Variants in GPRIN3 observed in about 807,000 individuals in gnomAD.
The protein encoded by GPRIN3 is GPRIN family member 3.
In GPRIN3, 12 loss-of-function variants were observed where a neutral mutation model predicts 13.7. The observed-to-expected ratio is 0.87, with a 90% CI of 0.56 to 1.42. GPRIN3 has a LOEUF of 1.42. Ranked by LOEUF, GPRIN3 falls within the 40% of genes most tolerant of loss-of-function variation. The pLI is 0.00. For missense variants in GPRIN3, 1,009 were observed against 958.7 expected (o/e 1.05, Z -0.69); for synonymous variants, 377 against 372.7 (o/e 1.01, Z -0.13).
At chr4:89,275,246 T>G (rs765671357) in intron 1 of GPRIN3, among the ~76,000 whole-genome samples, 6 of 152,100 alleles carry the variant, frequency 3.9e-5, no homozygotes, top group Non-Finnish European at 8.8e-5. Context: ...AAGCAATGAC[T>G]TTGTTTGCAA....
intron 1 of GPRIN3, among the ~76,000 whole-genome samples, chr4:89,251,484 A>G (rs1723323961): frequency 6.6e-6 from 1 of 152,216 alleles, no homozygotes; most frequent in Non-Finnish European, 1.5e-5. Context: ...TAGAAACACC[A>G]ACATATATGA....
At chr4:89,307,525 AATCCCT>A (rs1725067985) in intron 1 of GPRIN3, 84 bp downstream of exon 1, 1 of 152,278 alleles carries the variant, frequency 6.6e-6, no homozygotes, top group Non-Finnish European at 1.5e-5. Flanking sequence ...TGTGGGACCG[AATCCCT>A]TCCGCATCCC....
intron 1 of GPRIN3, among the ~76,000 whole-genome samples, chr4:89,291,665 T>A (rs1724575123): frequency 1.3e-5 from 2 of 152,162 alleles, no homozygotes; most frequent in African/African-American, 4.8e-5. Flanking sequence ...GGTTTTCTCA[T>A]CACTTAGCTA....
At chr4:89,281,350 G>A (rs980639053) in intron 1 of GPRIN3, among the ~76,000 whole-genome samples, 2 of 152,138 alleles carry the variant, frequency 1.3e-5, no homozygotes, top group Non-Finnish European at 2.9e-5. Flanking sequence ...TCTCGAACTC[G>A]TGACCTCGTG....
Position 89,249,564 on chromosome 4 carries a change from C to A in GPRIN3, c.547G>T (p.Asp183Tyr). Reference sequence around the variant, plus strand: ...GAAGGAAACTCACAGGACACCTGATCTTTGCTGCTACTGAGGACGCCTCCC... The same window carrying A: ...GAAGGAAACTCACAGGACACCTGATATTTGCTGCTACTGAGGACGCCTCCC... ...PVGGVLSSSK[D>Y]QVSCEFPSPE... Residue 183 changes from aspartate (D) to tyrosine (Y), a missense_variant, in exon 2 of 2, where the codon GAT (aspartate) becomes TAT (tyrosine). By Grantham distance (160) the Asp-to-Tyr change is radical (BLOSUM62 -3). Transcript: ENST00000609438. 1 of 1,614,174 alleles carries A rather than the reference C, an allele frequency of 6.2e-7. No homozygotes were observed. The highest frequency in any genetic ancestry group is 2.2e-5 in the East Asian group (1 of 44,878).
intron 1 of GPRIN3, among the ~76,000 whole-genome samples, chr4:89,251,843 G>C (rs1439972355): frequency 6.6e-6 from 1 of 152,198 alleles, no homozygotes; most frequent in East Asian, 1.9e-4. Flanking sequence ...GTGTTAAATA[G>C]AGGGAGAGTG....
intron 1 of GPRIN3, among the ~76,000 whole-genome samples, chr4:89,255,634 A>G (rs185903351): frequency 3.3e-5 from 5 of 152,184 alleles, no homozygotes; most frequent in Non-Finnish European, 5.9e-5. Flanking sequence ...GCGAAGGGGG[A>G]TTTTTGCTAA....
chr4:89,294,049 T>C (rs1403836925), intron 1 of GPRIN3, among the ~76,000 whole-genome samples: 3 of 152,218 alleles, frequency 2.0e-5, no homozygotes, highest in Non-Finnish European at 2.9e-5. Context: ...TATGCTCTTT[T>C]ACACAATTCC....
At chr4:89,283,543 A>G (rs547795055) in intron 1 of GPRIN3, among the ~76,000 whole-genome samples, 1 of 152,310 alleles carries the variant, frequency 6.6e-6, no homozygotes, top group African/African-American at 2.4e-5. Context: ...CAGGAAGTTC[A>G]TATCTAGTGG....
Position 89,247,687 on chromosome 4 carries a change from T to C in GPRIN3, c.*93A>G. On this transcript the variant is annotated 3_prime_UTR_variant, in exon 2 of 2. Transcript: ENST00000609438. ...ATAGTGAATACTTGCTTTTTCTTCC[T>C]AGTCTTGCAGCAAAAAACTAAGCAA... The C allele has an allele frequency of 7.7e-7, 1 of 1,303,332 alleles. No individual in the cohort carries two copies. Among genetic ancestry groups the C allele is most frequent in the Non-Finnish European group, 1.1e-6 (1 of 943,490 alleles). The allele number at this position is 1,303,332 out of a possible 1,614,324, so 80.7% of individuals were successfully genotyped here.
chr4:89,275,708 T>C (rs555315757), intron 1 of GPRIN3, among the ~76,000 whole-genome samples: 37 of 152,358 alleles, frequency 2.4e-4, no homozygotes, highest in Middle Eastern at 3.4e-3. Flanking sequence ...AATGGTTGTG[T>C]AACCTTTGAC....
chr4:89,256,580 G>A (rs537779039), intron 1 of GPRIN3, among the ~76,000 whole-genome samples: 9 of 152,318 alleles, frequency 5.9e-5, no homozygotes, highest in African/African-American at 1.9e-4. Flanking sequence ...ACAGGAGGCT[G>A]ATGTAGTGCA....
chr4:89,250,931 T>G (rs1478461151), intron 1 of GPRIN3: 1 of 152,140 alleles, frequency 6.6e-6, no homozygotes, highest in Non-Finnish European at 1.5e-5. Context: ...AGGCTTTTTC[T>G]GAGATGGTAG....
At chr4:89,303,689 C>T (rs1185543578) in intron 1 of GPRIN3, among the ~76,000 whole-genome samples, 3 of 151,116 alleles carry the variant, frequency 2.0e-5, no homozygotes, top group Admixed American at 6.6e-5. Context: ...AAGATGTATA[C>T]GTTATTTGGT....
chr4:89,286,704 T>G (rs1452901641), intron 1 of GPRIN3, among the ~76,000 whole-genome samples: 1 of 152,186 alleles, frequency 6.6e-6, no homozygotes, highest in Non-Finnish European at 1.5e-5. Flanking sequence ...GGAAGATATT[T>G]TCTTTCTCCC....
At chr4:89,254,560 T>C (rs11930094) in intron 1 of GPRIN3, among the ~76,000 whole-genome samples, 2,849 of 152,312 alleles carry the variant, frequency 0.019, 83 homozygotes, top group African/African-American at 0.059. Context: ...ATGATCTCAT[T>C]CTTTTTTTAT....
At chr4:89,277,682 G>A (rs1407847281) in intron 1 of GPRIN3, among the ~76,000 whole-genome samples, 1 of 152,134 alleles carries the variant, frequency 6.6e-6, no homozygotes, top group Non-Finnish European at 1.5e-5. Flanking sequence ...GTCACCAGTT[G>A]CCCATTGTTT....
intron 1 of GPRIN3, among the ~76,000 whole-genome samples, chr4:89,278,957 C>A (rs574738583): frequency 6.6e-6 from 1 of 152,320 alleles, no homozygotes; most frequent in South Asian, 2.1e-4. Context: ...TCACCCTCAT[C>A]TCCCAAACCC....
intron 1 of GPRIN3, among the ~76,000 whole-genome samples, chr4:89,282,198 C>T (rs1490997737): frequency 3.3e-5 from 5 of 152,184 alleles, no homozygotes; most frequent in Non-Finnish European, 7.3e-5. Flanking sequence ...TAACTATATT[C>T]ACTAGCAATG....
Sources: gnomAD v4.1 joint callset for allele counts (sites outside exome capture counted in the v4.1 genomes callset) on GRCh38, gnomAD v4.1.1 for gene constraint, MANE v1.5 for transcripts, NCBI Gene and HGNC (gene_info 2026-07-23, HGNC 2026-07-21) for gene names.